The following BABAM2 variants were observed in gnomAD, a reference collection of about 807,000 sequenced individuals.
BABAM2 encodes the protein BRISC and BRCA1-A complex member 2.
In BABAM2, 31 loss-of-function variants were observed where a neutral mutation model predicts 54.7. The observed-to-expected ratio is 0.57, with a 90% CI of 0.43 to 0.77. BABAM2 has a LOEUF of 0.77. Among genes scored for constraint, BABAM2 ranks in the 30% least tolerant of loss-of-function variants. The pLI, the probability that BABAM2 is intolerant of heterozygous loss-of-function variation, is 0.00. For synonymous variants in BABAM2, 167 were observed against 162.9 expected, an observed-to-expected ratio of 1.03 and a Z score of -0.19; for missense variants, 364 against 455.8, an observed-to-expected ratio of 0.80 and a Z score of 1.83.
intron 10 of BABAM2, among the ~76,000 whole-genome samples, chr2:28,288,968 T>G (rs1218497070): frequency 6.6e-6 from 1 of 151,792 alleles, no homozygotes; most frequent in East Asian, 1.9e-4. Flanking sequence ...TGTTGTTTTT[T>G]TTTTTTTTCT....
At chr2:28,040,294 C>CTTTTTTTTTGTTTTTTTT in intron 5 of BABAM2, among the ~76,000 whole-genome samples, 1 of 59,470 alleles carries the variant, frequency 1.7e-5, no homozygotes, top group Non-Finnish European at 3.0e-5. Flanking sequence ...AAACTGAATT[C>CTTTTTTTTTGTTTTTTTT]TTTTTTTTTT....
chr2:28,051,250 C>T (rs558853328), intron 6 of BABAM2, among the ~76,000 whole-genome samples: 14 of 152,298 alleles, frequency 9.2e-5, no homozygotes, highest in African/African-American at 2.6e-4. Flanking sequence ...GGCAACTATC[C>T]GCAGTGTCCT....
At chr2:27,888,774 T>C (rs931673656), upstream of BABAM2, among the ~76,000 whole-genome samples, 20 of 100,302 alleles carry the variant, frequency 2.0e-4, no homozygotes, top group Admixed American at 1.4e-3. Context: ...GGTTTTTACA[T>C]TTAAAAAATG....
chr2:28,207,509 C>T (rs1558436445), intron 7 of BABAM2, among the ~76,000 whole-genome samples: 1 of 152,038 alleles, frequency 6.6e-6, no homozygotes, highest in Non-Finnish European at 1.5e-5. Context: ...TGCACCACTG[C>T]ACACCAGCCT....
At chr2:28,197,745 C>T (rs1392308677) in intron 7 of BABAM2, among the ~76,000 whole-genome samples, 1 of 152,140 alleles carries the variant, frequency 6.6e-6, no homozygotes, top group Non-Finnish European at 1.5e-5. Flanking sequence ...ATGACTCTTC[C>T]TGAGCAACCC....
intron 7 of BABAM2, among the ~76,000 whole-genome samples, chr2:28,129,582 T>C (rs1324232552): frequency 3.3e-5 from 5 of 152,180 alleles, no homozygotes; most frequent in Non-Finnish European, 7.4e-5. Flanking sequence ...GCAAGTGTTA[T>C]TGTGCATTTA....
chr2:27,976,796 T>G (rs1671640179), intron 3 of BABAM2, among the ~76,000 whole-genome samples: 1 of 152,178 alleles, frequency 6.6e-6, no homozygotes, highest in Non-Finnish European at 1.5e-5. Context: ...AAATTATGTA[T>G]GTGGCTTGCA....
chr2:28,130,706 G>A (rs750919190), intron 7 of BABAM2, among the ~76,000 whole-genome samples: 14 of 151,362 alleles, frequency 9.2e-5, no homozygotes, highest in Non-Finnish European at 1.3e-4. Context: ...CTGCTGCCTC[G>A]GCCTCCCAAA....
chr2:28,070,295 C>G (rs1664001540), intron 6 of BABAM2, among the ~76,000 whole-genome samples: 1 of 152,206 alleles, frequency 6.6e-6, no homozygotes, highest in Non-Finnish European at 1.5e-5. Flanking sequence ...GCTATGAAAA[C>G]TATCCCCTCT....
intron 4 of BABAM2, among the ~76,000 whole-genome samples, chr2:27,991,034 T>C (rs1053964158): frequency 3.3e-5 from 5 of 152,078 alleles, no homozygotes; most frequent in Non-Finnish European, 7.4e-5. Flanking sequence ...AAATACTAGA[T>C]AGAGAGGTAT....
At chr2:28,160,008 G>A (rs1224657780) in intron 7 of BABAM2, among the ~76,000 whole-genome samples, 1 of 152,144 alleles carries the variant, frequency 6.6e-6, no homozygotes, top group African/African-American at 2.4e-5. Flanking sequence ...AAGAGAAAGA[G>A]TCTAATTCTG....
At chr2:28,147,708 C>T (rs913997880) in intron 7 of BABAM2, among the ~76,000 whole-genome samples, 2 of 152,122 alleles carry the variant, frequency 1.3e-5, no homozygotes, top group African/African-American at 2.4e-5. Context: ...CTCCTGACCT[C>T]GTGATCCACC....
intron 3 of BABAM2, among the ~76,000 whole-genome samples, chr2:27,932,676 GACTATTCCGTGAGGAGCTTTTGCTT>G (rs2148357954): frequency 6.6e-6 from 1 of 152,256 alleles, no homozygotes; most frequent in African/African-American, 2.4e-5. Flanking sequence ...TACGTATATA[GACTATTCCGTGAGGAGCTTTTGCTT>G]ACTCTTCCTG....
At chr2:28,060,031 G>C (rs1313026033) in intron 6 of BABAM2, among the ~76,000 whole-genome samples, 1 of 152,020 alleles carries the variant, frequency 6.6e-6, no homozygotes, top group Non-Finnish European at 1.5e-5. Flanking sequence ...ACAAAAATCA[G>C]GCAAAGATAT....
At chr2:27,964,308 C>A (rs1023678978) in intron 3 of BABAM2, among the ~76,000 whole-genome samples, 2 of 152,166 alleles carry the variant, frequency 1.3e-5, no homozygotes, top group African/African-American at 2.4e-5. Context: ...GAACTGTGCA[C>A]TAAATAAACC....
intron 6 of BABAM2, among the ~76,000 whole-genome samples, chr2:28,089,981 T>C (rs1666021871): frequency 3.9e-5 from 6 of 152,064 alleles, no homozygotes. Context: ...ATTACTATTA[T>C]TTAGATTATT....
chr2:28,191,644 A>G (rs1676919797), intron 7 of BABAM2, among the ~76,000 whole-genome samples: 2 of 152,234 alleles, frequency 1.3e-5, no homozygotes, highest in African/African-American at 4.8e-5. Context: ...CAGGCAAAGA[A>G]GAGTACATGC....
At chr2:28,007,637 A>G (rs1238199085) in intron 4 of BABAM2, among the ~76,000 whole-genome samples, 1 of 152,114 alleles carries the variant, frequency 6.6e-6, no homozygotes, top group East Asian at 1.9e-4. Flanking sequence ...TGAACTGGGA[A>G]CTGATTTAAT....
chr2:28,133,074 G>A (rs1670229381), intron 7 of BABAM2, among the ~76,000 whole-genome samples: 1 of 152,154 alleles, frequency 6.6e-6, no homozygotes, highest in African/African-American at 2.4e-5. Flanking sequence ...ATATCTTTAA[G>A]TAGAAGTTTT....
Sources: allele counts gnomAD v4.1 joint callset (sites outside exome capture counted in the v4.1 genomes callset), GRCh38; gene constraint gnomAD v4.1.1; transcripts MANE v1.5; gene names NCBI Gene and HGNC (gene_info 2026-07-23, HGNC 2026-07-21).